Variants in APP observed in about 807,000 individuals in gnomAD.
APP encodes amyloid beta precursor protein, also known as amyloid-beta precursor protein.
A neutral mutation model predicts 101.4 loss-of-function variants in APP; 31 were observed. The ratio of observed to expected loss-of-function variants is 0.31; its 90% CI spans 0.23 to 0.41. APP has a LOEUF of 0.41. Ranked by LOEUF, APP falls within the 10% of genes least tolerant of loss-of-function variation. The pLI is 1.00. For missense variants in APP, 839 were observed against 1,003.7 expected (o/e 0.84, Z 2.22); for synonymous variants, 366 against 364.4 (o/e 1.00, Z -0.05).
At chr21:25,882,257 C>T (rs980292494) in intron 17 of APP, among the ~76,000 whole-genome samples, 14 of 151,046 alleles carry the variant, frequency 9.3e-5, no homozygotes, top group Non-Finnish European at 2.1e-4. Context: ...TCCTGGACTG[C>T]TGAATTTAGT....
intron 3 of APP, among the ~76,000 whole-genome samples, chr21:26,079,393 T>C (rs117740221): frequency 1.9e-3 from 292 of 152,218 alleles, no homozygotes; most frequent in Non-Finnish European, 3.3e-3. Context: ...CAAGCTGAAA[T>C]GGTGTGGGAA....
chr21:26,049,976 G>T (rs2045770081), intron 5 of APP, among the ~76,000 whole-genome samples: 2 of 152,182 alleles, frequency 1.3e-5, no homozygotes, highest in African/African-American at 4.8e-5. Flanking sequence ...CATTTCAACT[G>T]AATATCAACC....
chr21:25,981,883 G>A (rs1341467174), intron 9 of APP, among the ~76,000 whole-genome samples: 1 of 152,058 alleles, frequency 6.6e-6, no homozygotes, highest in African/African-American at 2.4e-5. Flanking sequence ...TAGGAGACTA[G>A]ATGAAATAAT....
chr21:26,161,736 A>G (rs1405359873), intron 1 of APP, among the ~76,000 whole-genome samples: 1 of 152,218 alleles, frequency 6.6e-6, no homozygotes, highest in Non-Finnish European at 1.5e-5. Flanking sequence ...TACTGTAATG[A>G]CAAAATTATA....
intron 4 of APP, among the ~76,000 whole-genome samples, 165 bp downstream of exon 4, chr21:26,053,071 A>C (rs1231190389): frequency 2.0e-5 from 3 of 152,162 alleles, no homozygotes; most frequent in African/African-American, 7.2e-5. Context: ...TGTGAACCTA[A>C]AATCACTCTA....
chr21:26,014,114 C>T (rs1335933269), intron 6 of APP, among the ~76,000 whole-genome samples: 1 of 152,168 alleles, frequency 6.6e-6, no homozygotes, highest in African/African-American at 2.4e-5. Flanking sequence ...CCCTTTTGCC[C>T]TGTTCCCAAA....
intron 1 of APP, among the ~76,000 whole-genome samples, chr21:26,157,078 CT>C (rs919012634): frequency 2.6e-5 from 4 of 151,262 alleles, no homozygotes; most frequent in Admixed American, 6.6e-5. Context: ...TTTGATTACT[CT>C]TTTTTTTTGA....
chr21:26,127,212 T>C (rs1311687520), intron 1 of APP, among the ~76,000 whole-genome samples: 1 of 147,164 alleles, frequency 6.8e-6, no homozygotes, highest in Non-Finnish European at 1.5e-5. Flanking sequence ...AAAAAAAAAA[T>C]GAGGTGGTAA....
At chr21:26,054,545 G>A (rs1369319323) in intron 3 of APP, among the ~76,000 whole-genome samples, 2 of 151,710 alleles carry the variant, frequency 1.3e-5, no homozygotes, top group Non-Finnish European at 2.9e-5. Context: ...TAGCACTGGG[G>A]AAGCATGCTG....
At chr21:26,155,103 T>A (rs1164846438) in intron 1 of APP, among the ~76,000 whole-genome samples, 1 of 151,970 alleles carries the variant, frequency 6.6e-6, no homozygotes, top group East Asian at 1.9e-4. Context: ...ATAAAAAAAT[T>A]AGCTGGGTGT....
intron 17 of APP, among the ~76,000 whole-genome samples, chr21:25,882,041 C>T (rs1429987427): frequency 6.6e-6 from 1 of 152,074 alleles, no homozygotes; most frequent in Non-Finnish European, 1.5e-5. Flanking sequence ...TTCCCCAACT[C>T]CACAGTAAGT....
intron 17 of APP, among the ~76,000 whole-genome samples, chr21:25,886,424 T>C (rs2037331381): frequency 6.6e-6 from 1 of 152,104 alleles, no homozygotes; most frequent in African/African-American, 2.4e-5. Context: ...AAGACAGTCT[T>C]GCTCTGTCAC....
intron 8 of APP, among the ~76,000 whole-genome samples, chr21:25,989,553 G>A (rs1475019479): frequency 6.6e-6 from 1 of 152,194 alleles, no homozygotes; most frequent in Non-Finnish European, 1.5e-5. Flanking sequence ...CCAGAAGGCT[G>A]AATGTTTCCC....
intron 13 of APP, among the ~76,000 whole-genome samples, chr21:25,953,126 T>C (rs1378044335): frequency 1.1e-4 from 17 of 152,146 alleles, no homozygotes; most frequent in African/African-American, 4.1e-4. Context: ...AGAGAGGGGG[T>C]TTCACCATGT....
At chr21:25,996,303 G>T (rs994335340) in intron 8 of APP, among the ~76,000 whole-genome samples, 1 of 152,196 alleles carries the variant, frequency 6.6e-6, no homozygotes, top group African/African-American at 2.4e-5. Context: ...AGGAGAAAGA[G>T]GGGTTCCTAA....
chr21:26,069,658 T>G (rs998949699), intron 3 of APP, among the ~76,000 whole-genome samples: 1 of 152,224 alleles, frequency 6.6e-6, no homozygotes, highest in African/African-American at 2.4e-5. Flanking sequence ...AAGAGCTTAT[T>G]AACTGCCTCT....
intron 13 of APP, among the ~76,000 whole-genome samples, chr21:25,949,024 A>G (rs572279389): frequency 2.6e-5 from 4 of 152,260 alleles, no homozygotes; most frequent in Non-Finnish European, 5.9e-5. Context: ...AGGAGATTTT[A>G]TCTCTATACA....
chr21:25,983,522 G>C (rs1042081244), intron 8 of APP, among the ~76,000 whole-genome samples: 5 of 152,172 alleles, frequency 3.3e-5, no homozygotes, highest in Admixed American at 6.5e-5. Flanking sequence ...AACTAAACTT[G>C]AAGTTAAATA....
At chr21:26,087,659 C>G (rs903684938) in intron 3 of APP, among the ~76,000 whole-genome samples, 5 of 152,216 alleles carry the variant, frequency 3.3e-5, no homozygotes, top group African/African-American at 1.2e-4. Flanking sequence ...CAGTCTCCAG[C>G]CTGTGCTTCA....
Sources: gnomAD v4.1 joint callset for allele counts (sites outside exome capture counted in the v4.1 genomes callset) on GRCh38, gnomAD v4.1.1 for gene constraint, MANE v1.5 for transcripts, NCBI Gene and HGNC (gene_info 2026-07-23, HGNC 2026-07-21) for gene names.